Variants in ENTREP2 observed in about 807,000 individuals in gnomAD.
ENTREP2 encodes protein ENTREP2.
chr15:29,221,802 A>G, the ENTREP2 span, among the ~76,000 whole-genome samples: 2 of 152,216 alleles, frequency 1.3e-5, no homozygotes, highest in African/African-American at 2.4e-5. Flanking sequence ...TAACAGGAAA[A>G]TAAGGAACAC....
At chr15:29,188,955 C>A in the ENTREP2 span, among the ~76,000 whole-genome samples, 1 of 152,212 alleles carries the variant, frequency 6.6e-6, no homozygotes, top group African/African-American at 2.4e-5. Context: ...CCTCGCTCCT[C>A]GGGGACAGGG....
At chr15:29,216,097 T>C in the ENTREP2 span, among the ~76,000 whole-genome samples, 2 of 152,214 alleles carry the variant, frequency 1.3e-5, no homozygotes, top group Non-Finnish European at 2.9e-5. Context: ...TCTGTTTTGA[T>C]GTGTTTCCAA....
At chr15:29,514,202 ACT>A in the ENTREP2 span, among the ~76,000 whole-genome samples, 5 of 151,770 alleles carry the variant, frequency 3.3e-5, no homozygotes, top group African/African-American at 4.8e-5. Flanking sequence ...CAAAACTGAA[ACT>A]CTATATCCAA....
At chr15:29,558,841 A>T in the ENTREP2 span, among the ~76,000 whole-genome samples, 2 of 150,672 alleles carry the variant, frequency 1.3e-5, no homozygotes, top group Non-Finnish European at 2.9e-5. Context: ...AATAGTAAAT[A>T]CATTTTCTCT....
At chr15:29,367,578 T>A in the ENTREP2 span, among the ~76,000 whole-genome samples, 2 of 152,166 alleles carry the variant, frequency 1.3e-5, no homozygotes, top group Non-Finnish European at 2.9e-5. Context: ...CGCCCCAATA[T>A]ATCTCTGGGA....
the ENTREP2 span, among the ~76,000 whole-genome samples, chr15:29,271,546 T>C: frequency 2.0e-5 from 3 of 152,344 alleles, no homozygotes; most frequent in South Asian, 6.2e-4. Context: ...AATCAACTCA[T>C]AACTTAGAAA....
At chr15:29,489,919 C>G in the ENTREP2 span, among the ~76,000 whole-genome samples, 1 of 152,204 alleles carries the variant, frequency 6.6e-6, no homozygotes, top group African/African-American at 2.4e-5. Context: ...CTACAAAGAT[C>G]ACCACAAAAA....
the ENTREP2 span, among the ~76,000 whole-genome samples, chr15:29,372,266 G>T: frequency 6.6e-6 from 1 of 152,110 alleles, no homozygotes; most frequent in Admixed American, 6.5e-5. Flanking sequence ...GAGGACGAAG[G>T]CCTTTATGAT....
chr15:29,644,812 A>AT, the ENTREP2 span, among the ~76,000 whole-genome samples: 1 of 146,438 alleles, frequency 6.8e-6, no homozygotes, highest in Non-Finnish European at 1.5e-5. Flanking sequence ...CTCCATCTCC[A>AT]TAAAAAAAAA....
chr15:29,598,603 A>G, the ENTREP2 span, among the ~76,000 whole-genome samples: 1 of 152,226 alleles, frequency 6.6e-6, no homozygotes, highest in African/African-American at 2.4e-5. Flanking sequence ...CTGTTTTAAA[A>G]TTTTCAAACT....
At chr15:29,268,664 TA>T in the ENTREP2 span, 1 of 877,228 alleles carries the variant, frequency 1.1e-6, no homozygotes, top group Non-Finnish European at 1.7e-6. Context: ...AAACACATCC[TA>T]AAGCTACACA....
At chr15:29,551,416 A>C in the ENTREP2 span, among the ~76,000 whole-genome samples, 3 of 152,102 alleles carry the variant, frequency 2.0e-5, no homozygotes, top group Non-Finnish European at 4.4e-5. Context: ...ATTCTGTGAA[A>C]CTGGCTAAAA....
At chr15:29,662,304 T>G in the ENTREP2 span, among the ~76,000 whole-genome samples, 1 of 151,832 alleles carries the variant, frequency 6.6e-6, no homozygotes, top group African/African-American at 2.4e-5. Context: ...TGCCATGGGT[T>G]ACTACAGGAA....
the ENTREP2 span, among the ~76,000 whole-genome samples, chr15:29,163,584 G>T: frequency 6.6e-6 from 1 of 151,960 alleles, no homozygotes. Flanking sequence ...CAAAGACAAG[G>T]TCTTTGAATT....
At chr15:29,401,034 C>T in the ENTREP2 span, among the ~76,000 whole-genome samples, 1 of 152,192 alleles carries the variant, frequency 6.6e-6, no homozygotes, top group Non-Finnish European at 1.5e-5. Context: ...GCCTGGGCCC[C>T]GGAATGGACA....
chr15:29,495,910 A>G, the ENTREP2 span, among the ~76,000 whole-genome samples: 8 of 152,090 alleles, frequency 5.3e-5, no homozygotes, highest in African/African-American at 1.7e-4. Flanking sequence ...GTGGTTCCCT[A>G]TGAATTTTAG....
chr15:29,208,198 C>G, the ENTREP2 span, among the ~76,000 whole-genome samples: 2 of 142,716 alleles, frequency 1.4e-5, no homozygotes, highest in African/African-American at 5.2e-5. Flanking sequence ...GAATCCTACT[C>G]AACACACTGT....
the ENTREP2 span, among the ~76,000 whole-genome samples, chr15:29,162,625 A>G: frequency 6.6e-6 from 1 of 151,862 alleles, no homozygotes; most frequent in Non-Finnish European, 1.5e-5. Context: ...TGGGAATCTC[A>G]CACCCATCCC....
At chr15:29,555,141 G>A in the ENTREP2 span, among the ~76,000 whole-genome samples, 1 of 152,318 alleles carries the variant, frequency 6.6e-6, no homozygotes, top group African/African-American at 2.4e-5. Context: ...AAGGAACCGG[G>A]GAAGAGGGAA....
Sources: allele counts gnomAD v4.1 joint callset (sites outside exome capture counted in the v4.1 genomes callset), GRCh38; gene constraint gnomAD v4.1.1; transcripts MANE v1.5; gene names NCBI Gene and HGNC (gene_info 2026-07-23, HGNC 2026-07-21).